Variants in DGAT2 observed in about 807,000 individuals in gnomAD.
The protein encoded by DGAT2 is acyl-CoA retinol O-fatty-acyltransferase.
In DGAT2, 33 loss-of-function variants were observed where a neutral mutation model predicts 48.4. The observed-to-expected ratio is 0.68, with a 90% CI of 0.52 to 0.91. The LOEUF (loss-of-function observed/expected upper bound fraction) is 0.91. DGAT2 is among the 40% of genes least tolerant of loss of function. DGAT2 has a pLI of 0.00. For missense variants in DGAT2, 446 were observed against 493.7 expected (o/e 0.90, Z 0.92); for synonymous variants, 191 against 194.1 (o/e 0.98, Z 0.13).
chr11:75,769,109 T>TG lies in DGAT2; in HGVS notation c.121+1dup. The stretch of plus-strand genomic sequence containing the variant: ...GCTGTCGCGCGAGGGGTCTGGGAGA[T>TG]GGGGTGAGTGCCACGGCGCAGGGGT... On this transcript the variant is annotated frameshift_variant, in exon 1 of 8. Transcript: ENST00000228027. LOFTEE classifies it high-confidence loss of function. 6.4e-7 allele frequency: 1 copy of TG among 1,564,364 alleles called. No homozygotes were observed. The highest frequency in any genetic ancestry group is 1.2e-5 in the South Asian group (1 of 85,516).
In DGAT2 at chr11:75,768,896, C is replaced by G; in HGVS notation, c.-96C>G. 2 of 1,338,310 alleles carry G rather than the reference C, an allele frequency of 1.5e-6. No homozygotes were observed. 82.9% of individuals were successfully genotyped at this position (1,338,310 alleles called of 1,614,324 possible). A position where few individuals can be genotyped will look rare whatever the true frequency, so the allele number is the denominator to read the frequency against. ...TCGACGCCGTCCCGGGACCCCTGTG[C>G]TCTGCGCGAAGCCCTGGCCCCGGGG... On this transcript the variant is annotated 5_prime_UTR_variant, in exon 1 of 8. Coordinates refer to ENST00000228027, the MANE Select transcript of DGAT2 (RefSeq NM_032564.5).
At chr11:75,790,597 G>A (rs911995332) in intron 3 of DGAT2, 64 bp from the exon 4 acceptor site, 8 of 1,516,904 alleles carry the variant, frequency 5.3e-6, no homozygotes, top group Non-Finnish European at 7.3e-6. Flanking sequence ...CACTGGCCCT[G>A]TCTTGTCTGC....
intron 1 of DGAT2, among the ~76,000 whole-genome samples, chr11:75,775,005 C>T (rs916464819): frequency 6.6e-6 from 1 of 152,128 alleles, no homozygotes; most frequent in South Asian, 2.1e-4. Flanking sequence ...CTTGGCCTTA[C>T]CTCTTGGAAC....
chr11:75,797,223 A>C lies in DGAT2; in HGVS notation c.700A>C (p.Ile234Leu). ...TTCAAAGAATGGGAGTGGCAATGCTATCATCATCGTGGTCGGGGGTGCGGC... is the reference window on the plus strand; with the variant it reads ...TTCAAAGAATGGGAGTGGCAATGCTCTCATCATCGTGGTCGGGGGTGCGGC... The part of the protein sequence containing the change: ...LLSKNGSGNA[I>L]IIVVGGAAES... The change falls in exon 6 of 8, where the codon ATC becomes CTC. Residue 234 changes from isoleucine to leucine, a missense_variant. Physicochemically the swap from Ile to Leu is conservative, Grantham distance 5. Transcript: ENST00000228027. The C allele has an allele frequency of 6.3e-7, 1 of 1,581,048 alleles. No homozygotes were observed.
chr11:75,782,496 T>A (rs950826713), intron 1 of DGAT2, among the ~76,000 whole-genome samples: 1 of 152,208 alleles, frequency 6.6e-6, no homozygotes, highest in South Asian at 2.1e-4. Context: ...CCATGGCTCC[T>A]GCTTCACTTC....
chr11:75,790,124 CCA>C, intron 2 of DGAT2, 62 bp from the exon 3 acceptor site: 4 of 1,210,430 alleles, frequency 3.3e-6, no homozygotes, highest in Non-Finnish European at 4.9e-6. Context: ...CTCACTCCAT[CCA>C]CCATGGCCCA....
intron 2 of DGAT2, among the ~76,000 whole-genome samples, chr11:75,786,120 C>T (rs1944920208): frequency 6.6e-6 from 1 of 152,148 alleles, no homozygotes; most frequent in Non-Finnish European, 1.5e-5. Flanking sequence ...CCATAGCTGT[C>T]CTCAAAGTCT....
intron 2 of DGAT2, among the ~76,000 whole-genome samples, chr11:75,786,880 A>G (rs1944928251): frequency 6.6e-6 from 1 of 152,202 alleles, no homozygotes; most frequent in Admixed American, 6.5e-5. Context: ...TCAGTGTTTT[A>G]GAGTATTTAA....
chr11:75,790,888 TCTG>T (rs757406406), intron 4 of DGAT2, among the ~76,000 whole-genome samples, 157 bp downstream of exon 4: 11 of 152,202 alleles, frequency 7.2e-5, no homozygotes, highest in Non-Finnish European at 1.6e-4. Context: ...CCACTGCTCT[TCTG>T]AGTATCCATC....
chr11:75,791,376 C>T (rs1944988425), intron 4 of DGAT2, among the ~76,000 whole-genome samples: 2 of 152,178 alleles, frequency 1.3e-5, no homozygotes, highest in African/African-American at 4.8e-5. Flanking sequence ...TAGCCTAAGC[C>T]CAGTCTTCCC....
In DGAT2 at chr11:75,784,610, T is replaced by G; in HGVS notation, c.122-8T>G. ...TGACAGTGGACTGACATCTTCCCTC[T>G]GCTGTAGGCACTGGATCCAGCATCC... On this transcript the variant is annotated splice_region_variant and splice_polypyrimidine_tract_variant and intron_variant, in intron 1 of 7. Coordinates refer to ENST00000228027, the MANE Select transcript of DGAT2 (RefSeq NM_032564.5). The G allele has an allele frequency of 4.3e-6, 7 of 1,613,960 alleles. No homozygotes were observed. Among genetic ancestry groups the G allele is most frequent in the Non-Finnish European group, 5.1e-6 (6 of 1,179,874 alleles).
intron 7 of DGAT2, among the ~76,000 whole-genome samples, chr11:75,798,744 A>T (rs1203254241): frequency 1.3e-5 from 2 of 152,170 alleles, no homozygotes; most frequent in Non-Finnish European, 2.9e-5. Flanking sequence ...TGTGATGAGG[A>T]TGCGCAGGTG....
At chr11:75,789,467 CAG>C (rs1244695451) in intron 2 of DGAT2, among the ~76,000 whole-genome samples, 1 of 152,122 alleles carries the variant, frequency 6.6e-6, no homozygotes, top group Non-Finnish European at 1.5e-5. Flanking sequence ...TTTTTGAAGA[CAG>C]GGAGGCTGAT....
At chr11:75,775,138 T>G (rs1457543161) in intron 1 of DGAT2, among the ~76,000 whole-genome samples, 1 of 152,256 alleles carries the variant, frequency 6.6e-6, no homozygotes, top group East Asian at 1.9e-4. Context: ...ATTTGTGGAT[T>G]CTAGCAGAGC....
chr11:75,791,859 C>G (rs1944993316), intron 4 of DGAT2, among the ~76,000 whole-genome samples: 1 of 152,238 alleles, frequency 6.6e-6, no homozygotes, highest in Admixed American at 6.5e-5. Flanking sequence ...CTTGGGGTGT[C>G]TATTGCATCC....
chr11:75,797,272 G>T lies in DGAT2; in HGVS notation c.749G>T (p.Gly250Val), dbSNP rs151179593. 3 of 1,574,480 alleles carry T rather than the reference G, an allele frequency of 1.9e-6. No homozygotes were observed. The highest frequency in any genetic ancestry group is 2.6e-6 in the Non-Finnish European group (3 of 1,160,300). Residue 250 changes from glycine to valine, a missense_variant, in exon 6 of 8, where the codon GGC becomes GTC. Gly to Val is a moderately radical substitution (Grantham distance 109, BLOSUM62 -3). Transcript: ENST00000228027. ...GCTGAGTCTCTGAGCTCCATGCCTG[G>T]CAAGAATGCAGTCACCCTGCGGAAC... The part of the protein sequence containing the change: ...GAAESLSSMP[G>V]KNAVTLRNRK...
intron 7 of DGAT2, among the ~76,000 whole-genome samples, chr11:75,799,655 C>T (rs535885005): frequency 6.6e-6 from 1 of 151,638 alleles, no homozygotes; most frequent in Non-Finnish European, 1.5e-5. Context: ...ATTCTGTCAT[C>T]CAGGCTGGAG....
chr11:75,778,169 A>G (rs775796205), intron 1 of DGAT2, among the ~76,000 whole-genome samples: 2 of 151,906 alleles, frequency 1.3e-5, no homozygotes, highest in Non-Finnish European at 1.5e-5. Context: ...CTTTATTCTC[A>G]GCTTCTATTT....
At position 75,800,510 on chromosome 11, in the gene DGAT2, C is replaced by T; in HGVS notation, c.*2C>T. 1 of 1,613,530 alleles carries T rather than the reference C, an allele frequency of 6.2e-7. No homozygotes were observed. Among genetic ancestry groups the T allele is most frequent in the East Asian group, 2.2e-5 (1 of 44,866 alleles). ...ACTGAGGTCCTGGAGGTGAACTGAGCCAGCCTTCGGGGCCAATTCCCTGGA... is the reference window on the plus strand; with the variant it reads ...ACTGAGGTCCTGGAGGTGAACTGAGTCAGCCTTCGGGGCCAATTCCCTGGA... On this transcript the variant is annotated 3_prime_UTR_variant, in exon 8 of 8. Coordinates refer to ENST00000228027, the MANE Select transcript of DGAT2 (RefSeq NM_032564.5).
Sources: gnomAD v4.1 joint callset for allele counts (sites outside exome capture counted in the v4.1 genomes callset) on GRCh38, gnomAD v4.1.1 for gene constraint, MANE v1.5 for transcripts, NCBI Gene and HGNC (gene_info 2026-07-23, HGNC 2026-07-21) for gene names.